The following SIPA1L1 variants were observed in gnomAD, a reference collection of about 807,000 sequenced individuals.
SIPA1L1 encodes the protein signal induced proliferation associated 1 like 1, also known as signal-induced proliferation-associated 1-like protein 1.
A neutral mutation model predicts 162.7 loss-of-function variants in SIPA1L1; 26 were observed. The ratio of observed to expected loss-of-function variants is 0.16; its 90% CI spans 0.12 to 0.22. SIPA1L1 has a LOEUF of 0.22. Among genes scored for constraint, SIPA1L1 ranks in the 10% least tolerant of loss-of-function variants. The probability of loss-of-function intolerance (pLI) is 1.00; values close to 1 mark genes in which losing one functional copy is unlikely to be tolerated. For missense variants in SIPA1L1, 1,874 were observed against 2,241.0 expected (o/e 0.84, Z 3.31); for synonymous variants, 829 against 837.4 (o/e 0.99, Z 0.17).
chr14:71,492,108 G>A (rs2049332134), intron 2 of SIPA1L1, among the ~76,000 whole-genome samples: 1 of 152,174 alleles, frequency 6.6e-6, no homozygotes, highest in Non-Finnish European at 1.5e-5. Context: ...GTTTGGCTGT[G>A]TTGGGAAATA....
At chr14:71,437,688 A>G (rs1178138090) in intron 2 of SIPA1L1, among the ~76,000 whole-genome samples, 1 of 152,136 alleles carries the variant, frequency 6.6e-6, no homozygotes, top group Non-Finnish European at 1.5e-5. Flanking sequence ...CATTACTGAT[A>G]CTACAGAGAG....
rs562683195 is a variant in SIPA1L1 at position 71,422,693 on chromosome 14, A to G, written c.-464-90050A>G. Among the ~76,000 whole-genome samples, 6 of 152,354 alleles carry G rather than the reference A, an allele frequency of 3.9e-5. No individual in the cohort carries two copies. In the East Asian group the frequency reaches 1.2e-3, roughly 29 times the overall value. Reference sequence around the variant, plus strand: ...ATAAAGCGGAATAATATTCTGTTGTATGTGTATACCACATTTTGCTTATCC... The same window carrying G: ...ATAAAGCGGAATAATATTCTGTTGTGTGTGTATACCACATTTTGCTTATCC... On this transcript the variant is annotated intron_variant, in intron 2 of 23. Coordinates refer to ENST00000381232, the MANE Select transcript of SIPA1L1 (RefSeq NM_001386936.1).
At chr14:71,461,556 A>AG (rs745484208) in intron 2 of SIPA1L1, among the ~76,000 whole-genome samples, 14 of 152,178 alleles carry the variant, frequency 9.2e-5, no homozygotes, top group Admixed American at 3.3e-4. Context: ...GACCACTCAG[A>AG]GGGGTCCATC....
chr14:71,449,054 C>T (rs545177555), intron 2 of SIPA1L1: 1 of 152,316 alleles, frequency 6.6e-6, no homozygotes, highest in South Asian at 2.1e-4. Context: ...AGAATAAAGT[C>T]ATTACTATGA....
intron 2 of SIPA1L1, among the ~76,000 whole-genome samples, chr14:71,380,268 C>T (rs1288563683): frequency 6.6e-6 from 1 of 152,150 alleles, no homozygotes; most frequent in Non-Finnish European, 1.5e-5. Context: ...TTAAATGGTT[C>T]TTGTAGATAA....
chr14:71,699,339 G>A (rs1467530482), intron 14 of SIPA1L1, among the ~76,000 whole-genome samples: 1 of 152,188 alleles, frequency 6.6e-6, no homozygotes, highest in Non-Finnish European at 1.5e-5. Context: ...TAGCCTCTAC[G>A]AGGAACTAAA....
At chr14:71,495,886 CAAAAAAAAAAA>C (rs61183823) in intron 2 of SIPA1L1, among the ~76,000 whole-genome samples, 2 of 38,020 alleles carry the variant, frequency 5.3e-5, no homozygotes, top group Non-Finnish European at 1.1e-4. Flanking sequence ...TCCATCTCTA[CAAAAAAAAAAA>C]AAAAAAAAAA....
intron 2 of SIPA1L1, among the ~76,000 whole-genome samples, chr14:71,358,589 T>G (rs1205869575): frequency 6.6e-6 from 1 of 152,232 alleles, no homozygotes; most frequent in African/African-American, 2.4e-5. Flanking sequence ...CATTCATTCC[T>G]GAATCCCTTT....
At chr14:71,644,913 T>G (rs1469900059) in intron 7 of SIPA1L1, among the ~76,000 whole-genome samples, 1 of 152,204 alleles carries the variant, frequency 6.6e-6, no homozygotes, top group Non-Finnish European at 1.5e-5. Context: ...TTTAGTTAGG[T>G]TTTTATTGCT....
intron 5 of SIPA1L1, among the ~76,000 whole-genome samples, chr14:71,597,744 C>G (rs1267767915): frequency 6.6e-6 from 1 of 152,202 alleles, no homozygotes; most frequent in African/African-American, 2.4e-5. Flanking sequence ...CCTTTCCTCT[C>G]TTGCCTACCT....
At chr14:71,642,003 T>C (rs1022953936) in intron 7 of SIPA1L1, among the ~76,000 whole-genome samples, 4 of 152,216 alleles carry the variant, frequency 2.6e-5, no homozygotes, top group African/African-American at 4.8e-5. Flanking sequence ...TTGCATTTAC[T>C]CTTCAGAAAT....
intron 17 of SIPA1L1, among the ~76,000 whole-genome samples, chr14:71,717,231 C>T (rs774657510): frequency 6.6e-5 from 10 of 152,294 alleles, no homozygotes; most frequent in Admixed American, 2.6e-4. Flanking sequence ...CTTGTGTATC[C>T]TCTCTTCCTT....
chr14:71,501,792 G>T (rs958535771), intron 2 of SIPA1L1, among the ~76,000 whole-genome samples: 1 of 152,154 alleles, frequency 6.6e-6, no homozygotes, highest in African/African-American at 2.4e-5. Flanking sequence ...GCAGGCCAAG[G>T]TGGGAGGATT....
Position 71,430,233 on chromosome 14 carries a change from G to A in SIPA1L1, c.-464-82510G>A, listed in dbSNP as rs547247647. ...GGACTGTTGGTTTCAAAGTAAGAAT[G>A]GTATTTATTCTTTTCCTTTTTTTTT... On this transcript the variant is annotated intron_variant, in intron 2 of 23. Coordinates refer to ENST00000381232, the MANE Select transcript of SIPA1L1 (RefSeq NM_001386936.1). Among the ~76,000 whole-genome samples, 6 of 151,882 alleles carry A rather than the reference G, an allele frequency of 4.0e-5. No individual in the cohort carries two copies. In the East Asian group the frequency reaches 9.6e-4, roughly 24 times the overall value.
At chr14:71,542,042 G>T (rs1181137761) in intron 4 of SIPA1L1, among the ~76,000 whole-genome samples, 7 of 152,098 alleles carry the variant, frequency 4.6e-5, no homozygotes. Context: ...ACCTGCTAGA[G>T]AATGAACTTA....
At chr14:71,354,139 A>G (rs2036991988) in intron 2 of SIPA1L1, among the ~76,000 whole-genome samples, 1 of 152,218 alleles carries the variant, frequency 6.6e-6, no homozygotes, top group African/African-American at 2.4e-5. Context: ...TTATGCATGT[A>G]TCCTTTGATG....
At chr14:71,542,454 CCTGCTGCTG>C (rs577245408) in intron 4 of SIPA1L1, among the ~76,000 whole-genome samples, 1 of 151,040 alleles carries the variant, frequency 6.6e-6, no homozygotes, top group Non-Finnish European at 1.5e-5. Context: ...GCTTCTTCTT[CCTGCTGCTG>C]CTGCTGCTTC....
rs138879271 is a variant in SIPA1L1 at position 71,418,572 on chromosome 14, G to A, written c.-464-94171G>A. ...TGGCTTCTGAGACAGCAGGTCACACGGCAGAACTGGAGAAGAAGCTTGGGA... is the reference window on the plus strand; with the variant it reads ...TGGCTTCTGAGACAGCAGGTCACACAGCAGAACTGGAGAAGAAGCTTGGGA... On this transcript the variant is annotated intron_variant, in intron 2 of 23. Coordinates refer to ENST00000381232, the MANE Select transcript of SIPA1L1 (RefSeq NM_001386936.1). Among the ~76,000 whole-genome samples the A allele has an allele frequency of 3.7e-3, 570 of 152,250 alleles. 5 individuals carry two copies. Among genetic ancestry groups the A allele is most frequent in the African/African-American group, 0.013 (541 of 41,556 alleles).
At position 71,701,074 on chromosome 14, in the gene SIPA1L1, T is replaced by C. The variant is rs191914309; in HGVS notation, c.3522-1307T>C. On this transcript the variant is annotated intron_variant, in intron 14 of 23. Transcript: ENST00000381232. The stretch of plus-strand genomic sequence containing the variant: ...AGTGTTTTTCTAGCCCCTTCTACTT[T>C]GCAGATGCTTTATGTAGATTTTTCT... Among the ~76,000 whole-genome samples, 80 of 151,640 alleles carry C rather than the reference T, an allele frequency of 5.3e-4. 1 individual carries two copies. Among genetic ancestry groups the C allele is most frequent in the African/African-American group, 1.9e-3 (79 of 41,408 alleles).
Sources: allele counts gnomAD v4.1 joint callset (sites outside exome capture counted in the v4.1 genomes callset), GRCh38; gene constraint gnomAD v4.1.1; transcripts MANE v1.5; gene names NCBI Gene and HGNC (gene_info 2026-07-23, HGNC 2026-07-21).